NDUFA9: variants seen among roughly 807,000 people sequenced by gnomAD.
The protein encoded by NDUFA9 is NADH dehydrogenase [ubiquinone] 1 alpha subcomplex subunit 9, mitochondrial.
Under a neutral mutation model 45.9 loss-of-function variants are expected in NDUFA9, and 23 were observed. The ratio of observed to expected loss-of-function variants is 0.50; its 90% CI spans 0.36 to 0.71. The LOEUF (loss-of-function observed/expected upper bound fraction) is 0.71. NDUFA9 is among the 30% of genes least tolerant of loss of function. The pLI, the probability that NDUFA9 is intolerant of heterozygous loss-of-function variation, is 0.00. For missense variants in NDUFA9, 466 were observed against 488.2 expected (o/e 0.95, Z 0.43); for synonymous variants, 176 against 170.5 (o/e 1.03, Z -0.25).
intron 3 of NDUFA9, chr12:4,655,390 G>A (rs1945783906): frequency 6.5e-6 from 1 of 153,886 alleles, no homozygotes; most frequent in African/African-American, 2.4e-5. Context: ...CACATGAAAT[G>A]TGGCTAGTCT....
At chr12:4,685,948 A>C (rs530541143) in intron 10 of NDUFA9, among the ~76,000 whole-genome samples, 18 of 152,354 alleles carry the variant, frequency 1.2e-4, no homozygotes, top group African/African-American at 3.4e-4. Flanking sequence ...GAAGTAGCCA[A>C]ATTGTCCCCT....
intron 7 of NDUFA9, 123 bp from the exon 8 acceptor site, chr12:4,669,618 C>T: frequency 3.2e-6 from 2 of 619,676 alleles, no homozygotes; most frequent in Non-Finnish European, 5.7e-6. Context: ...TCAGTGTGGC[C>T]TTCCTCCTTT....
intron 6 of NDUFA9, among the ~76,000 whole-genome samples, chr12:4,664,222 G>A (rs771937481): frequency 3.3e-5 from 5 of 152,238 alleles, no homozygotes; most frequent in Non-Finnish European, 7.3e-5. Flanking sequence ...AGAACACTAA[G>A]AGTGTGGCTG....
At chr12:4,673,210 G>A (rs1385619981) in intron 8 of NDUFA9, among the ~76,000 whole-genome samples, 3 of 152,176 alleles carry the variant, frequency 2.0e-5, no homozygotes, top group East Asian at 3.9e-4. Context: ...GACCCCAGCC[G>A]AAGGTCACTG....
Position 4,662,608 on chromosome 12 carries a change from G to C in NDUFA9, c.628G>C (p.Glu210Gln). 1 of 1,613,802 alleles carries C rather than the reference G, an allele frequency of 6.2e-7. No individual in the cohort carries two copies. Among genetic ancestry groups the C allele is most frequent in the Non-Finnish European group, 8.5e-7 (1 of 1,179,738 alleles). The change falls in exon 6 of 11, where the codon GAG becomes CAG. Residue 210 changes from glutamate to glutamine, a missense_variant. Transcript: ENST00000266544. ...IVKPSDIFGR[E>Q]DRFLNSFASM... ...AAAGCCGTCGGACATCTTTGGAAGA[G>C]AGGATAGATTCCTTAATTCTTTTGC...
At chr12:4,656,906 T>G (rs1202118275) in intron 3 of NDUFA9, among the ~76,000 whole-genome samples, 1 of 152,218 alleles carries the variant, frequency 6.6e-6, no homozygotes, top group Non-Finnish European at 1.5e-5. Context: ...CAGTCCTAAC[T>G]GGTTCTTCCT....
intron 9 of NDUFA9, among the ~76,000 whole-genome samples, chr12:4,683,342 G>C (rs1055404436): frequency 6.6e-6 from 1 of 152,186 alleles, no homozygotes; most frequent in African/African-American, 2.4e-5. Context: ...TAAGGAGACT[G>C]TCACATCCAT....
intron 8 of NDUFA9, among the ~76,000 whole-genome samples, chr12:4,672,306 C>T (rs547952993): frequency 2.0e-5 from 3 of 152,258 alleles, no homozygotes; most frequent in Admixed American, 1.3e-4. Flanking sequence ...ACTGGGCAGC[C>T]GTTTGGGCAG....
chr12:4,674,084 G>A (rs1945903894), intron 8 of NDUFA9, among the ~76,000 whole-genome samples: 1 of 152,148 alleles, frequency 6.6e-6, no homozygotes, highest in Non-Finnish European at 1.5e-5. Flanking sequence ...CATAAGTGAA[G>A]GAGAAATAAA....
rs759582385 is a variant in NDUFA9, at chr12:4,693,122, A to C, written c.*6014A>C. The C allele has an allele frequency of 2.0e-5, 3 of 152,168 alleles. No individual in the cohort carries two copies. Among genetic ancestry groups the C allele is most frequent in the Non-Finnish European group, 4.4e-5 (3 of 68,054 alleles). 9.4% of individuals were successfully genotyped at this position (152,168 alleles called of 1,614,324 possible). On this transcript the variant is annotated 3_prime_UTR_variant, in exon 11 of 11. Coordinates refer to ENST00000266544, the MANE Select transcript of NDUFA9 (RefSeq NM_005002.5). Reference sequence around the variant, plus strand: ...CAACAGAGTGAAACCCCATCTCTTTAAAAAAATAAAGCACTTGAAGCAGAA... The same window carrying C: ...CAACAGAGTGAAACCCCATCTCTTTCAAAAAATAAAGCACTTGAAGCAGAA...
chr12:4,652,979 A>C lies in NDUFA9; in HGVS notation c.50-1313A>C, dbSNP rs76163033. 3.5e-3 allele frequency among the ~76,000 whole-genome samples: 534 copies of C among 152,360 alleles called. 2 individuals are homozygous for C. Among genetic ancestry groups the C allele is most frequent in the African/African-American group, 0.012 (513 of 41,586 alleles). On this transcript the variant is annotated intron_variant, in intron 1 of 10. Coordinates refer to ENST00000266544, the MANE Select transcript of NDUFA9 (RefSeq NM_005002.5). ...CCTAGAAACAAACACAGATTTTCTA[A>C]AGAAAGTCCTGTTTGTGTCTTTCAC...
intron 1 of NDUFA9, among the ~76,000 whole-genome samples, chr12:4,653,339 T>C (rs1273099942): frequency 6.6e-6 from 1 of 152,252 alleles, no homozygotes; most frequent in Admixed American, 6.5e-5. Context: ...TAAAAACTTC[T>C]GGGAAGCAGT....
chr12:4,669,773 A>C lies in NDUFA9; in HGVS notation c.756A>C (p.Ala252=). The C allele has an allele frequency of 6.2e-7, 1 of 1,612,442 alleles. No homozygotes were observed. Among genetic ancestry groups the C allele is most frequent in the Non-Finnish European group, 8.5e-7 (1 of 1,178,590 alleles). The part of the protein sequence containing the change: ...VVDVSKGIVN[A]VKDPDANGKS... Reference sequence around the variant, plus strand: ...ATGTATCCAAAGGAATTGTTAATGCAGTTAAGGATCCTGATGCCAATGGGA... The same window carrying C: ...ATGTATCCAAAGGAATTGTTAATGCCGTTAAGGATCCTGATGCCAATGGGA... Residue 252 remains alanine, a synonymous_variant, in exon 8 of 11, where the codon GCA becomes GCC. Transcript: ENST00000266544.
chr12:4,672,182 T>C (rs900260110), intron 8 of NDUFA9, among the ~76,000 whole-genome samples: 4 of 152,194 alleles, frequency 2.6e-5, no homozygotes, highest in African/African-American at 4.8e-5. Context: ...CATTAGGGAC[T>C]GTACCATGCA....
At position 4,687,049 on chromosome 12, in the gene NDUFA9, T is replaced by A. The variant is rs1300262888; in HGVS notation, c.1075T>A (p.Tyr359Asn). Residue 359 changes from tyrosine (Y) to asparagine (N), a missense_variant, in exon 11 of 11, where the codon TAC becomes AAC. By Grantham distance (143) the Tyr-to-Asn change is moderately radical (BLOSUM62 -2). Transcript: ENST00000266544. ...TGAGGTGCTGCGGCGTCATCGCACT[T>A]ACCGCTGGCTGTCTGCTGAAATTGA... is the stretch of plus-strand genomic sequence containing the variant. Reference protein sequence around the residue: ...AIEVLRRHRTYRWLSAEIEDV... With the variant: ...AIEVLRRHRTNRWLSAEIEDV... 2 of 1,614,210 alleles carry A rather than the reference T, an allele frequency of 1.2e-6. No individual in the cohort carries two copies. The highest frequency in any genetic ancestry group is 8.5e-7 in the Non-Finnish European group (1 of 1,180,036).
intron 6 of NDUFA9, 100 bp from the exon 7 acceptor site, chr12:4,668,357 T>G: frequency 1.0e-6 from 1 of 968,900 alleles, no homozygotes; most frequent in Non-Finnish European, 1.6e-6. Context: ...ATTCATTATA[T>G]TATTTCTATT....
chr12:4,650,171 A>T (rs764057956), intron 1 of NDUFA9, among the ~76,000 whole-genome samples: 1 of 152,194 alleles, frequency 6.6e-6, no homozygotes, highest in Non-Finnish European at 1.5e-5. Context: ...TTGCACCTTA[A>T]ATTTTTAAAA....
chr12:4,687,052 C>A lies in NDUFA9; in HGVS notation c.1078C>A (p.Arg360Ser). The change falls in exon 11 of 11, where the codon CGC becomes AGC. Residue 360 changes from arginine (R) to serine (S), a missense_variant. Arg to Ser is a moderately radical substitution (Grantham distance 110, BLOSUM62 -1). Transcript: ENST00000266544. ...IEVLRRHRTY[R>S]WLSAEIEDVK... ...GGTGCTGCGGCGTCATCGCACTTAC[C>A]GCTGGCTGTCTGCTGAAATTGAGGA... 1.9e-6 allele frequency: 3 copies of A among 1,614,182 alleles called. No individual in the cohort carries two copies. The highest frequency in any genetic ancestry group is 2.5e-6 in the Non-Finnish European group (3 of 1,180,042).
chr12:4,682,102 G>A, intron 8 of NDUFA9, 103 bp from the exon 9 acceptor site: 2 of 757,904 alleles, frequency 2.6e-6, no homozygotes, highest in Non-Finnish European at 4.4e-6. Context: ...ATCTACTACA[G>A]TGCATATATG....
Sources: gnomAD v4.1 joint callset for allele counts (sites outside exome capture counted in the v4.1 genomes callset) on GRCh38, gnomAD v4.1.1 for gene constraint, MANE v1.5 for transcripts, NCBI Gene and HGNC (gene_info 2026-07-23, HGNC 2026-07-21) for gene names.